Variants in AGBL1 observed in about 807,000 individuals in gnomAD.
AGBL1 encodes the protein cytosolic carboxypeptidase 4.
Under a neutral mutation model 118.9 loss-of-function variants are expected in AGBL1, and 130 were observed. The observed-to-expected ratio is 1.09, with a 90% CI of 0.95 to 1.26. The LOEUF (loss-of-function observed/expected upper bound fraction) is 1.26, where lower values mean the gene tolerates loss of function less well. AGBL1 is among the 50% of genes most tolerant of loss of function. The pLI is 0.00. For synonymous variants in AGBL1, 555 were observed against 478.9 expected, an observed-to-expected ratio of 1.16 and a Z score of -2.08; for missense variants, 1,584 against 1,298.1, an observed-to-expected ratio of 1.22 and a Z score of -3.38.
chr15:86,223,303 C>T (rs770587795), intron 5 of AGBL1, among the ~76,000 whole-genome samples: 18 of 152,222 alleles, frequency 1.2e-4, no homozygotes, highest in Non-Finnish European at 2.1e-4. Context: ...TTGGGTTAGG[C>T]GCCTTGCTTG....
intron 21 of AGBL1, among the ~76,000 whole-genome samples, chr15:86,563,890 CTTCT>C (rs1172093366): frequency 1.3e-5 from 2 of 152,040 alleles, no homozygotes; most frequent in African/African-American, 4.8e-5. Flanking sequence ...ATGTAATAGC[CTTCT>C]TTGTCTCTTT....
In AGBL1 at chr15:86,625,380, TTTTTG is replaced by T. The variant is rs1479076522; in HGVS notation, c.2995-48888_2995-48884del. On this transcript the variant is annotated intron_variant, in intron 21 of 22. Transcript: ENST00000614907. ...AGAAATTAGCGTTTTTTTTTTTTTG[TTTTTG>T]TTTTTTTTTTTTTTTACAAACACAG... is the stretch of plus-strand genomic sequence containing the variant. 3.4e-3 allele frequency among the ~76,000 whole-genome samples: 119 copies of T among 35,358 alleles called. 20 individuals carry two copies. Among genetic ancestry groups the T allele is most frequent in the East Asian group, 0.011 (6 of 548 alleles). 23.2% of individuals were successfully genotyped at this position (35,358 alleles called of 152,430 possible).
At chr15:86,191,886 A>C (rs766495824) in intron 5 of AGBL1, among the ~76,000 whole-genome samples, 30 of 151,278 alleles carry the variant, frequency 2.0e-4, no homozygotes, top group Non-Finnish European at 3.7e-4. Flanking sequence ...AAGCCTGGGC[A>C]ACATAGACCC....
chr15:86,869,793 C>G (rs2141500039), intron 22 of AGBL1, among the ~76,000 whole-genome samples: 1 of 152,262 alleles, frequency 6.6e-6, no homozygotes, highest in Non-Finnish European at 1.5e-5. Flanking sequence ...ATACCTTATC[C>G]CAAGTGGCCC....
chr15:86,934,797 G>A (rs942006726), intron 23 of AGBL1, among the ~76,000 whole-genome samples: 8 of 152,160 alleles, frequency 5.3e-5, no homozygotes, highest in Non-Finnish European at 4.4e-5. Flanking sequence ...GATACATGGT[G>A]AGGAAAATAG....
intron 21 of AGBL1, among the ~76,000 whole-genome samples, chr15:86,557,590 T>G (rs2083752295): frequency 6.6e-6 from 1 of 152,184 alleles, no homozygotes; most frequent in Admixed American, 6.5e-5. Flanking sequence ...TTGTGGGACC[T>G]TCCTGCAGTG....
chr15:86,471,764 T>G (rs1463700802), intron 18 of AGBL1, among the ~76,000 whole-genome samples: 1 of 152,166 alleles, frequency 6.6e-6, no homozygotes, highest in Non-Finnish European at 1.5e-5. Flanking sequence ...AAATTCTATT[T>G]TTAAAACTGA....
intron 16 of AGBL1, among the ~76,000 whole-genome samples, chr15:86,290,485 G>A (rs1376446982): frequency 1.3e-5 from 2 of 150,994 alleles, no homozygotes; most frequent in African/African-American, 4.9e-5. Flanking sequence ...CACGTAGCTG[G>A]GACCACAGGT....
intron 22 of AGBL1, among the ~76,000 whole-genome samples, chr15:86,732,302 T>C (rs1052836726): frequency 2.6e-5 from 4 of 152,244 alleles, no homozygotes; most frequent in Non-Finnish European, 4.4e-5. Context: ...TCCAGCGTTA[T>C]AGGTTTTATT....
At chr15:86,251,043 A>G (rs2078807345) in intron 7 of AGBL1, among the ~76,000 whole-genome samples, 1 of 152,214 alleles carries the variant, frequency 6.6e-6, no homozygotes, top group South Asian at 2.1e-4. Context: ...AGGAGAAGAC[A>G]GTTACTTTGA....
intron 5 of AGBL1, among the ~76,000 whole-genome samples, chr15:86,204,549 T>C (rs2077960293): frequency 6.6e-6 from 1 of 150,430 alleles, no homozygotes; most frequent in East Asian, 2.0e-4. Context: ...TCTTCTCTTC[T>C]CTTTGCTTGC....
chr15:86,324,670 T>G (rs2080157507), intron 17 of AGBL1, among the ~76,000 whole-genome samples: 1 of 152,180 alleles, frequency 6.6e-6, no homozygotes, highest in African/African-American at 2.4e-5. Context: ...AAGTGAGTAT[T>G]CACATAATGT....
intron 18 of AGBL1, among the ~76,000 whole-genome samples, chr15:86,488,044 T>G (rs1046498384): frequency 6.6e-6 from 1 of 152,026 alleles, no homozygotes; most frequent in African/African-American, 2.4e-5. Context: ...TCCTGAACTT[T>G]TCTACTCAGC....
intron 24 of AGBL1, among the ~76,000 whole-genome samples, chr15:87,006,731 C>T (rs901638326): frequency 6.6e-6 from 1 of 152,160 alleles, no homozygotes; most frequent in Admixed American, 6.5e-5. Flanking sequence ...CCCAGTACTT[C>T]AGTTGGAAAT....
intron 17 of AGBL1, among the ~76,000 whole-genome samples, chr15:86,340,108 C>T (rs1196745536): frequency 1.3e-5 from 2 of 152,068 alleles, no homozygotes; most frequent in Non-Finnish European, 2.9e-5. Flanking sequence ...TCTCTGTCTT[C>T]TCAGTGTTAG....
At chr15:86,875,608 T>A (rs371987313) in intron 22 of AGBL1, among the ~76,000 whole-genome samples, 1 of 152,170 alleles carries the variant, frequency 6.6e-6, no homozygotes, top group Non-Finnish European at 1.5e-5. Flanking sequence ...CACTGACACA[T>A]AGATTGTTTT....
intron 21 of AGBL1, among the ~76,000 whole-genome samples, chr15:86,653,137 C>T (rs956234829): frequency 2.0e-5 from 3 of 147,898 alleles, no homozygotes; most frequent in Non-Finnish European, 4.5e-5. Flanking sequence ...CCTTCTTGCA[C>T]CGTCCTTCCA....
intron 21 of AGBL1, among the ~76,000 whole-genome samples, chr15:86,623,077 A>G (rs1315914531): frequency 6.6e-6 from 1 of 152,160 alleles, no homozygotes; most frequent in Non-Finnish European, 1.5e-5. Context: ...AATGCAAGCG[A>G]TGGGAGGTGC....
intron 22 of AGBL1, among the ~76,000 whole-genome samples, chr15:86,705,933 G>A (rs1269172499): frequency 1.3e-5 from 2 of 151,760 alleles, no homozygotes; most frequent in Non-Finnish European, 2.9e-5. Flanking sequence ...ACTTGCAAAT[G>A]GAATACTGAA....
Sources: allele counts gnomAD v4.1 joint callset (sites outside exome capture counted in the v4.1 genomes callset), GRCh38; gene constraint gnomAD v4.1.1; transcripts MANE v1.5; gene names NCBI Gene and HGNC (gene_info 2026-07-23, HGNC 2026-07-21).